The following TXNDC16 variants were observed in gnomAD, a reference collection of about 807,000 sequenced individuals.
TXNDC16 encodes thioredoxin domain-containing protein 16.
Under a neutral mutation model 85.6 loss-of-function variants are expected in TXNDC16, and 74 were observed. The ratio of observed to expected loss-of-function variants is 0.86; its 90% CI spans 0.72 to 1.05. The LOEUF (loss-of-function observed/expected upper bound fraction) is 1.05. Ranked by LOEUF, TXNDC16 falls within the 50% of genes least tolerant of loss-of-function variation. The pLI, the probability that TXNDC16 is intolerant of heterozygous loss-of-function variation, is 0.00. For synonymous variants in TXNDC16, 335 were observed against 326.5 expected (o/e 1.03, Z -0.28); for missense variants, 959 against 947.0 (o/e 1.01, Z -0.17).
At position 52,519,274 on chromosome 14, in the gene TXNDC16, C is replaced by A; in HGVS notation, c.412G>T (p.Val138Leu). Reference protein sequence around the residue: ...HVLFALLFSEVKYITNLEDLQ... With the variant: ...HVLFALLFSELKYITNLEDLQ... ...TCTTCCAGGTTGGTAATATATTTCACTTCACTAAAAAGAAGAGCACTGAAA... is the reference window on the plus strand; with the variant it reads ...TCTTCCAGGTTGGTAATATATTTCAATTCACTAAAAAGAAGAGCACTGAAA... The change falls in exon 7 of 21, where the codon GTG becomes TTG. Residue 138 changes from valine (V) to leucine (L), a missense_variant. Coordinates refer to ENST00000281741, the MANE Select transcript of TXNDC16 (RefSeq NM_020784.3). The A allele has an allele frequency of 6.3e-7, 1 of 1,598,848 alleles. No homozygotes were observed. Among genetic ancestry groups the A allele is most frequent in the East Asian group, 2.2e-5 (1 of 44,620 alleles).
intron 1 of TXNDC16, among the ~76,000 whole-genome samples, chr14:52,545,692 A>G (rs1566592133): frequency 6.6e-6 from 1 of 152,228 alleles, no homozygotes; most frequent in Non-Finnish European, 1.5e-5. Flanking sequence ...GTCAATGCCA[A>G]AACAAACAGT....
At chr14:52,434,495 T>G (rs1391590271) in intron 20 of TXNDC16, among the ~76,000 whole-genome samples, 1 of 152,246 alleles carries the variant, frequency 6.6e-6, no homozygotes, top group Non-Finnish European at 1.5e-5. Flanking sequence ...TCATTTTATC[T>G]TTACAATTTT....
At chr14:52,508,397 A>G (rs1407610087) in intron 9 of TXNDC16, among the ~76,000 whole-genome samples, 2 of 152,236 alleles carry the variant, frequency 1.3e-5, no homozygotes, top group African/African-American at 4.8e-5. Flanking sequence ...AATGGCGATC[A>G]TTAAAAAGTC....
intron 9 of TXNDC16, among the ~76,000 whole-genome samples, chr14:52,498,199 G>T (rs369187396): frequency 6.6e-6 from 1 of 152,168 alleles, no homozygotes; most frequent in Admixed American, 6.5e-5. Context: ...CATATTCAAT[G>T]GTTAAAAAAC....
intron 18 of TXNDC16, among the ~76,000 whole-genome samples, chr14:52,441,377 C>G (rs930475200): frequency 6.6e-6 from 1 of 151,866 alleles, no homozygotes; most frequent in African/African-American, 2.4e-5. Context: ...GGGAGGCCGA[C>G]GCAGGCAGAT....
chr14:52,534,222 T>C (rs2037647971), intron 6 of TXNDC16, among the ~76,000 whole-genome samples: 1 of 152,112 alleles, frequency 6.6e-6, no homozygotes, highest in African/African-American at 2.4e-5. Context: ...ATGTCTACTT[T>C]TCTACTCTTA....
At chr14:52,510,765 GTC>G (rs1021233513) in intron 9 of TXNDC16, among the ~76,000 whole-genome samples, 2 of 152,148 alleles carry the variant, frequency 1.3e-5, no homozygotes, top group Non-Finnish European at 2.9e-5. Flanking sequence ...ATCACCTAGT[GTC>G]TCTACAACAT....
At chr14:52,434,630 G>A (rs981095653) in intron 20 of TXNDC16, among the ~76,000 whole-genome samples, 3 of 152,320 alleles carry the variant, frequency 2.0e-5, no homozygotes, top group African/African-American at 4.8e-5. Context: ...AGTAAGGTGA[G>A]GCAGACACCA....
At chr14:52,451,853 A>G (rs1373237576) in intron 18 of TXNDC16, among the ~76,000 whole-genome samples, 1 of 152,156 alleles carries the variant, frequency 6.6e-6, no homozygotes, top group Admixed American at 6.5e-5. Context: ...ATCAAACAAG[A>G]CAAAGAAATA....
chr14:52,451,546 A>G, intron 18 of TXNDC16, among the ~76,000 whole-genome samples: 1 of 152,146 alleles, frequency 6.6e-6, no homozygotes, highest in South Asian at 2.1e-4. Flanking sequence ...TTCAACATAC[A>G]CAAATCAATC....
intron 1 of TXNDC16, among the ~76,000 whole-genome samples, chr14:52,545,879 T>C (rs1280867295): frequency 6.6e-6 from 1 of 151,930 alleles, no homozygotes; most frequent in East Asian, 1.9e-4. Flanking sequence ...GGCAAGGGAA[T>C]GTGGGTGGGG....
intron 4 of TXNDC16, among the ~76,000 whole-genome samples, chr14:52,540,459 T>C (rs2037803938): frequency 6.6e-6 from 1 of 152,026 alleles, no homozygotes; most frequent in South Asian, 2.1e-4. Flanking sequence ...ACCCCATCTC[T>C]ACTAAAACTA....
chr14:52,535,864 C>A (rs912913275), intron 6 of TXNDC16, among the ~76,000 whole-genome samples: 1 of 151,936 alleles, frequency 6.6e-6, no homozygotes, highest in African/African-American at 2.4e-5. Flanking sequence ...CTTTAAAAAT[C>A]CCAGTGAGAA....
intron 6 of TXNDC16, among the ~76,000 whole-genome samples, chr14:52,525,569 A>G (rs943166733): frequency 9.3e-5 from 14 of 150,682 alleles, no homozygotes; most frequent in African/African-American, 2.9e-4. Context: ...ATGGTGGCGC[A>G]TGCCTGTAAT....
intron 9 of TXNDC16, among the ~76,000 whole-genome samples, chr14:52,493,601 T>C (rs1158888820): frequency 6.6e-6 from 1 of 151,816 alleles, no homozygotes; most frequent in South Asian, 2.1e-4. Flanking sequence ...ATCTAAATAA[T>C]GCAAGTCACA....
At chr14:52,514,641 C>T (rs2037036178) in intron 8 of TXNDC16, among the ~76,000 whole-genome samples, 1 of 152,112 alleles carries the variant, frequency 6.6e-6, no homozygotes, top group African/African-American at 2.4e-5. Flanking sequence ...CATCTTGTGG[C>T]TTATCCACAC....
chr14:52,542,527 AAT>A (rs2037853961), intron 3 of TXNDC16, 74 bp from the exon 4 acceptor site: 1 of 1,026,960 alleles, frequency 9.7e-7, no homozygotes, highest in East Asian at 2.4e-5. Context: ...GCAAACACAG[AAT>A]AGATTCATTT....
chr14:52,506,641 C>G (rs1272581125), intron 9 of TXNDC16, among the ~76,000 whole-genome samples: 1 of 139,006 alleles, frequency 7.2e-6, no homozygotes, highest in Non-Finnish European at 1.5e-5. Flanking sequence ...ACTGCAAGCT[C>G]CGCTTCCCGG....
chr14:52,467,927 G>C (rs146860027), intron 16 of TXNDC16, among the ~76,000 whole-genome samples: 68 of 152,292 alleles, frequency 4.5e-4, no homozygotes, highest in Admixed American at 1.2e-3. Flanking sequence ...AAATTGGAAG[G>C]AAATTCTGAC....
Sources: allele counts gnomAD v4.1 joint callset (sites outside exome capture counted in the v4.1 genomes callset), GRCh38; gene constraint gnomAD v4.1.1; transcripts MANE v1.5; gene names NCBI Gene and HGNC (gene_info 2026-07-23, HGNC 2026-07-21).